SEMA4B: variants seen among roughly 807,000 people sequenced by gnomAD.
SEMA4B encodes semaphorin 4B.
In SEMA4B, 55 loss-of-function variants were observed where a neutral mutation model predicts 88.1. The ratio of observed to expected loss-of-function variants is 0.62; its 90% CI spans 0.50 to 0.78. The LOEUF (loss-of-function observed/expected upper bound fraction) is 0.78, where lower values mean the gene tolerates loss of function less well. Ranked by LOEUF, SEMA4B falls within the 30% of genes least tolerant of loss-of-function variation. The probability of loss-of-function intolerance (pLI) is 0.00; values close to 1 mark genes in which losing one functional copy is unlikely to be tolerated. For synonymous variants in SEMA4B, 525 were observed against 473.6 expected (o/e 1.11, Z -1.41); for missense variants, 1,062 against 1,111.9 (o/e 0.96, Z 0.64).
Position 90,221,672 on chromosome 15 carries a change from T to C in SEMA4B, c.768T>C (p.Asp256=). ...AGAGCCTGGGCAGCTTGCAAGGCGA[T>C]GATGACAAGATCTACTTTTTCTTCA... ...IPESLGSLQG[D]DDKIYFFFSE... The change falls in exon 7 of 14, where the codon GAT becomes GAC. Residue 256 remains aspartate (D), a synonymous_variant. Transcript: ENST00000411539. 6.2e-7 allele frequency: 1 copy of C among 1,614,070 alleles called. No individual in the cohort carries two copies. The highest frequency in any genetic ancestry group is 8.5e-7 in the Non-Finnish European group (1 of 1,179,904).
At position 90,227,553 on chromosome 15, in the gene SEMA4B, TCAGGCCGTGGATC is replaced by T; in HGVS notation, c.1690_1702del (p.Pro564ThrfsTer39). ...CCAATCCCAGAATTCTCTCTGGCCC[TCAGGCCGTGGATC>T]CAGGACATCGAGGGAGCCAGCGCCA... On this transcript the variant is annotated splice_acceptor_variant and splice_polypyrimidine_tract_variant and coding_sequence_variant and intron_variant, in exon 13 of 14. Coordinates refer to ENST00000411539, the MANE Select transcript of SEMA4B (RefSeq NM_198925.4). LOFTEE classifies it high-confidence loss of function. 2 of 1,613,870 alleles carry T rather than the reference TCAGGCCGTGGATC, an allele frequency of 1.2e-6. No homozygotes were observed. Among genetic ancestry groups the T allele is most frequent in the Non-Finnish European group, 1.7e-6 (2 of 1,179,794 alleles).
chr15:90,192,263 A>C (rs992154106), intron 1 of SEMA4B, among the ~76,000 whole-genome samples: 22 of 152,374 alleles, frequency 1.4e-4, no homozygotes, highest in Non-Finnish European at 2.5e-4. Context: ...CAAACAAAGC[A>C]ACAACTCCCA....
chr15:90,193,092 T>C (rs1464245887), intron 1 of SEMA4B: 1 of 152,364 alleles, frequency 6.6e-6, no homozygotes, highest in Non-Finnish European at 1.5e-5. Flanking sequence ...AGCAGTGCTT[T>C]TCTCTTCGTC....
At chr15:90,196,891 T>C (rs1422107866), upstream of SEMA4B, among the ~76,000 whole-genome samples, 3 of 152,240 alleles carry the variant, frequency 2.0e-5, no homozygotes, top group Non-Finnish European at 4.4e-5. Context: ...GGATTGTTTT[T>C]AAATTTAATG....
intron 3 of SEMA4B, among the ~76,000 whole-genome samples, chr15:90,218,688 C>G (rs140177294): frequency 1.3e-5 from 2 of 152,148 alleles, no homozygotes; most frequent in African/African-American, 2.4e-5. Context: ...TGGTGGCAGG[C>G]GCCTGTAGCC....
chr15:90,201,060 T>C (rs1026600231), upstream of SEMA4B, among the ~76,000 whole-genome samples: 15 of 152,104 alleles, frequency 9.9e-5, no homozygotes, highest in African/African-American at 3.4e-4. Flanking sequence ...CCAACGCCAC[T>C]AGCAGAGGGT....
intron 1 of SEMA4B, among the ~76,000 whole-genome samples, chr15:90,189,754 C>T (rs1045845661): frequency 1.3e-5 from 2 of 152,098 alleles, no homozygotes; most frequent in African/African-American, 4.8e-5. Context: ...GGGCTGGTAG[C>T]AAGGAGCTTT....
chr15:90,226,063 G>A (rs1962159286), intron 12 of SEMA4B, among the ~76,000 whole-genome samples: 1 of 152,226 alleles, frequency 6.6e-6, no homozygotes, highest in Admixed American at 6.5e-5. Flanking sequence ...AAATAGCACA[G>A]CTTTGAAAAG....
chr15:90,226,183 G>T (rs1018795407), intron 12 of SEMA4B, among the ~76,000 whole-genome samples: 1 of 152,078 alleles, frequency 6.6e-6, no homozygotes, highest in African/African-American at 2.4e-5. Flanking sequence ...AACCTATTTG[G>T]ATTATAAAAT....
chr15:90,206,868 C>G, intron 1 of SEMA4B: 1 of 715,118 alleles, frequency 1.4e-6, no homozygotes. Flanking sequence ...AGGGGAAACC[C>G]CGTAAAGTGG....
rs956404063 is a variant in SEMA4B at position 90,201,333 on chromosome 15, T to A, written c.-246T>A. 2.2e-5 allele frequency: 26 copies of A among 1,181,682 alleles called. No homozygotes were observed. Among genetic ancestry groups the A allele is most frequent in the Non-Finnish European group, 2.7e-5 (26 of 956,030 alleles). 73.2% of individuals were successfully genotyped at this position (1,181,682 alleles called of 1,614,324 possible). A position where few individuals can be genotyped will look rare whatever the true frequency, so the allele number is the denominator to read the frequency against. ...TCCTTCAGCCCCGCCCTCCGCCGCT[T>A]GCGGGTGAGCTCTGCCCAAGCCGAG... On this transcript the variant is annotated 5_prime_UTR_variant, in exon 1 of 14. Transcript: ENST00000411539.
chr15:90,202,116 A>G (rs1430040442), intron 1 of SEMA4B, among the ~76,000 whole-genome samples: 2 of 152,216 alleles, frequency 1.3e-5, no homozygotes, highest in African/African-American at 4.8e-5. Flanking sequence ...CACTGCTTGC[A>G]GTCCTATAAA....
chr15:90,194,226 T>G (rs1960431778), intron 1 of SEMA4B, among the ~76,000 whole-genome samples: 1 of 152,042 alleles, frequency 6.6e-6, no homozygotes, highest in South Asian at 2.1e-4. Flanking sequence ...AGCTAGTTGT[T>G]CAGCCTATAA....
chr15:90,214,328 C>CAAAAAA (rs11289702), intron 1 of SEMA4B, among the ~76,000 whole-genome samples: 1 of 89,248 alleles, frequency 1.1e-5, no homozygotes, highest in Non-Finnish European at 2.2e-5. Context: ...AACTCCGTCT[C>CAAAAAA]AAAAAAAAAA....
At chr15:90,224,110 A>C in intron 9 of SEMA4B, 122 bp downstream of exon 9, 2 of 876,698 alleles carry the variant, frequency 2.3e-6, no homozygotes, top group South Asian at 1.8e-5. Flanking sequence ...CTCTTTTCTC[A>C]TCTTTAATAT....
chr15:90,221,347 T>G lies in SEMA4B; in HGVS notation c.596-20T>G. On this transcript the variant is annotated intron_variant, in intron 5 of 13. Coordinates refer to ENST00000411539, the MANE Select transcript of SEMA4B (RefSeq NM_198925.4). ...GGCCGTGCTGAGGAGCCCATTCCCA[T>G]GGGAATGTTTTCTTGGCAGATGGCG... The G allele has an allele frequency of 6.5e-7, 1 of 1,532,326 alleles. No individual in the cohort carries two copies. Among genetic ancestry groups the G allele is most frequent in the Non-Finnish European group, 8.8e-7 (1 of 1,133,430 alleles). The allele number at this position is 1,532,326 out of a possible 1,614,324, so 94.9% of individuals were successfully genotyped here.
At chr15:90,215,078 G>A (rs1004104323) in intron 1 of SEMA4B, 42 of 943,288 alleles carry the variant, frequency 4.5e-5, no homozygotes, top group Non-Finnish European at 5.0e-5. Flanking sequence ...CCGCTACAAC[G>A]TGCCTGAGGG....
At chr15:90,197,473 T>C (rs1195578083), upstream of SEMA4B, among the ~76,000 whole-genome samples, 3 of 151,862 alleles carry the variant, frequency 2.0e-5, no homozygotes, top group Admixed American at 6.6e-5. Flanking sequence ...AGTCTCGCTC[T>C]GTCCCCCAGG....
chr15:90,187,968 G>A (rs954169075), intron 1 of SEMA4B, among the ~76,000 whole-genome samples: 1 of 149,282 alleles, frequency 6.7e-6, no homozygotes, highest in Admixed American at 6.7e-5. Flanking sequence ...TCATGCCATT[G>A]CACTCCAGCC....
Sources: gnomAD v4.1 joint callset for allele counts (sites outside exome capture counted in the v4.1 genomes callset) on GRCh38, gnomAD v4.1.1 for gene constraint, MANE v1.5 for transcripts, NCBI Gene and HGNC (gene_info 2026-07-23, HGNC 2026-07-21) for gene names.